The following CELF2 variants were observed in gnomAD, a reference collection of about 807,000 sequenced individuals.
CELF2 encodes the protein CUG triplet repeat RNA-binding protein 2.
In CELF2, 8 loss-of-function variants were observed where a neutral mutation model predicts 62.6. The observed-to-expected ratio is 0.13, with a 90% CI of 0.07 to 0.23. The LOEUF (loss-of-function observed/expected upper bound fraction) is 0.23. CELF2 is among the 10% of genes least tolerant of loss of function. The probability of loss-of-function intolerance (pLI) is 1.00; values close to 1 mark genes in which losing one functional copy is unlikely to be tolerated. For synonymous variants in CELF2, 258 were observed against 250.0 expected (o/e 1.03, Z -0.30); for missense variants, 333 against 671.0 (o/e 0.50, Z 5.56).
chr10:11,021,722 CTG>C (rs1237116636), intron 1 of CELF2, among the ~76,000 whole-genome samples: 2 of 152,174 alleles, frequency 1.3e-5, no homozygotes, highest in Non-Finnish European at 2.9e-5. Flanking sequence ...AATGGCAAAA[CTG>C]TGGTTTTCAA....
chr10:10,491,155 T>TTGGCAAAGAGGTTTCCC, the CELF2 span, among the ~76,000 whole-genome samples: 1 of 152,174 alleles, frequency 6.6e-6, no homozygotes, highest in Non-Finnish European at 1.5e-5. Flanking sequence ...AGGAACTTAC[T>TTGGCAAAGAGGTTTCCC]TGGCAAAGAG....
chr10:11,287,088 C>T (rs933893090), intron 8 of CELF2, among the ~76,000 whole-genome samples: 2 of 152,142 alleles, frequency 1.3e-5, no homozygotes, highest in African/African-American at 4.8e-5. Flanking sequence ...CTAGAACATT[C>T]TCTCATCCCT....
At chr10:10,559,635 G>A in the CELF2 span, among the ~76,000 whole-genome samples, 1 of 152,162 alleles carries the variant, frequency 6.6e-6, no homozygotes, top group East Asian at 1.9e-4. Context: ...CAGAAGGAAA[G>A]ACATTATTAT....
chr10:10,577,896 A>G, the CELF2 span, among the ~76,000 whole-genome samples: 1 of 152,166 alleles, frequency 6.6e-6, no homozygotes, highest in African/African-American at 2.4e-5. Flanking sequence ...GGCTGGGTCA[A>G]ATGGTATTTC....
chr10:10,620,299 G>A, the CELF2 span, among the ~76,000 whole-genome samples: 1 of 152,098 alleles, frequency 6.6e-6, no homozygotes, highest in Non-Finnish European at 1.5e-5. Flanking sequence ...ACAGGAGGCT[G>A]AGGTAGAGGG....
chr10:10,635,966 T>G, the CELF2 span, among the ~76,000 whole-genome samples: 1 of 152,218 alleles, frequency 6.6e-6, no homozygotes, highest in Non-Finnish European at 1.5e-5. Flanking sequence ...CTTCTTTCCC[T>G]GAACCCATTT....
intron 1 of CELF2, among the ~76,000 whole-genome samples, chr10:10,864,547 GCT>G (rs1324151187): frequency 2.0e-5 from 3 of 152,094 alleles, no homozygotes; most frequent in Non-Finnish European, 2.9e-5. Flanking sequence ...CCAGGTGAGG[GCT>G]CTCTTTCTGG....
chr10:11,293,456 C>G (rs1372158534), intron 9 of CELF2, among the ~76,000 whole-genome samples: 1 of 152,234 alleles, frequency 6.6e-6, no homozygotes, highest in Non-Finnish European at 1.5e-5. Context: ...ACTTCCACAT[C>G]GTATTGCTGA....
At chr10:10,866,052 A>G (rs929290682) in intron 1 of CELF2, among the ~76,000 whole-genome samples, 1 of 152,080 alleles carries the variant, frequency 6.6e-6, no homozygotes, top group African/African-American at 2.4e-5. Flanking sequence ...CAGTATTGGT[A>G]GGCATGTTCA....
intron 2 of CELF2, among the ~76,000 whole-genome samples, chr10:11,180,264 A>C (rs1184713467): frequency 6.6e-6 from 1 of 152,164 alleles, no homozygotes; most frequent in African/African-American, 2.4e-5. Flanking sequence ...CAAGAGTGGA[A>C]GGTGGTGAAC....
At chr10:11,127,439 T>A (rs1050816576) in intron 1 of CELF2, among the ~76,000 whole-genome samples, 1 of 152,232 alleles carries the variant, frequency 6.6e-6, no homozygotes, top group African/African-American at 2.4e-5. Flanking sequence ...AAATGGTATT[T>A]CTAGTTCTAG....
the CELF2 span, among the ~76,000 whole-genome samples, chr10:10,478,780 T>A: frequency 2.0e-5 from 3 of 152,196 alleles, no homozygotes; most frequent in African/African-American, 4.8e-5. Flanking sequence ...CAGACCTCCA[T>A]CATTTCTGTC....
the CELF2 span, among the ~76,000 whole-genome samples, chr10:10,587,365 G>A: frequency 3.3e-5 from 5 of 152,032 alleles, no homozygotes; most frequent in South Asian, 6.2e-4. Context: ...GAACCCAAAC[G>A]CATTTGCATT....
At chr10:11,056,438 T>C (rs1292263767) in intron 1 of CELF2, among the ~76,000 whole-genome samples, 2 of 152,358 alleles carry the variant, frequency 1.3e-5, no homozygotes, top group East Asian at 3.9e-4. Flanking sequence ...CATGAGCTTT[T>C]CAACACTGAT....
chr10:10,691,574 ATC>A, the CELF2 span, among the ~76,000 whole-genome samples: 3 of 152,068 alleles, frequency 2.0e-5, no homozygotes, highest in Non-Finnish European at 4.4e-5. Context: ...TCCCTGAGGA[ATC>A]ACCACACTGA....
At chr10:10,632,381 T>C in the CELF2 span, among the ~76,000 whole-genome samples, 1 of 152,124 alleles carries the variant, frequency 6.6e-6, no homozygotes, top group African/African-American at 2.4e-5. Flanking sequence ...AGCCTCATGT[T>C]GTCATTATTG....
At chr10:11,069,153 C>G (rs867203343) in intron 1 of CELF2, among the ~76,000 whole-genome samples, 40 of 152,164 alleles carry the variant, frequency 2.6e-4, no homozygotes, top group Middle Eastern at 3.4e-3. Flanking sequence ...CTGCATGACC[C>G]ACAGTTTTTT....
chr10:10,922,127 A>C (rs1263252283), intron 2 of CELF2, among the ~76,000 whole-genome samples: 1 of 151,830 alleles, frequency 6.6e-6, no homozygotes, highest in Non-Finnish European at 1.5e-5. Context: ...CCAAAAAAAA[A>C]CTGTTTACTG....
chr10:10,618,573 G>T, the CELF2 span, among the ~76,000 whole-genome samples: 2 of 152,034 alleles, frequency 1.3e-5, no homozygotes. Flanking sequence ...TTATGGTGGG[G>T]CACTGAAATG....
Sources: gnomAD v4.1 joint callset for allele counts (sites outside exome capture counted in the v4.1 genomes callset) on GRCh38, gnomAD v4.1.1 for gene constraint, MANE v1.5 for transcripts, NCBI Gene and HGNC (gene_info 2026-07-23, HGNC 2026-07-21) for gene names.